NCBP1: variants seen among roughly 807,000 people sequenced by gnomAD.
NCBP1 encodes nuclear cap-binding protein subunit 1.
A neutral mutation model predicts 111.7 loss-of-function variants in NCBP1; 16 were observed. The ratio of observed to expected loss-of-function variants is 0.14; its 90% CI spans 0.10 to 0.22. The LOEUF (loss-of-function observed/expected upper bound fraction) is 0.22, where lower values mean the gene tolerates loss of function less well. Among genes scored for constraint, NCBP1 ranks in the 10% least tolerant of loss-of-function variants. The probability of loss-of-function intolerance (pLI) is 1.00; values close to 1 mark genes in which losing one functional copy is unlikely to be tolerated. For missense variants in NCBP1, 607 were observed against 957.5 expected (o/e 0.63, Z 4.83); for synonymous variants, 304 against 314.3 (o/e 0.97, Z 0.35).
At chr9:97,636,431 T>C (rs1375565686) in intron 1 of NCBP1, among the ~76,000 whole-genome samples, 2 of 148,738 alleles carry the variant, frequency 1.3e-5, no homozygotes, top group Non-Finnish European at 3.0e-5. Context: ...TCTCTATATA[T>C]AGAGTGTGTG....
At chr9:97,669,167 G>A (rs568077623) in intron 21 of NCBP1, among the ~76,000 whole-genome samples, 193 bp downstream of exon 21, 1 of 151,694 alleles carries the variant, frequency 6.6e-6, no homozygotes, top group African/African-American at 2.4e-5. Flanking sequence ...TTTCTCTGCT[G>A]TTTACTTAGT....
chr9:97,643,123 T>C, intron 3 of NCBP1, 81 bp from the exon 4 acceptor site: 2 of 1,369,534 alleles, frequency 1.5e-6, no homozygotes, highest in Non-Finnish European at 2.0e-6. Context: ...GTTAATGGAA[T>C]GATAAAAAGA....
Position 97,669,652 on chromosome 9 carries a change from A to G in NCBP1, c.2205A>G (p.Val735=). The change falls in exon 22 of 23, where the codon GTA becomes GTG. Residue 735 remains valine (V), a synonymous_variant. Transcript: ENST00000375147. Reference sequence around the variant, plus strand: ...GATGCGAAACTGATGGGACCAGTGTATTAACACCATGGTATAAGAACTGTA... The same window carrying G: ...GATGCGAAACTGATGGGACCAGTGTGTTAACACCATGGTATAAGAACTGTA... ...LVRCETDGTS[V]LTPWYKNCIE... 1.2e-6 allele frequency: 2 copies of G among 1,613,166 alleles called. No individual in the cohort carries two copies. Among genetic ancestry groups the G allele is most frequent in the Non-Finnish European group, 1.7e-6 (2 of 1,179,138 alleles).
At chr9:97,638,245 A>G (rs909110866) in intron 1 of NCBP1, among the ~76,000 whole-genome samples, 13 of 152,100 alleles carry the variant, frequency 8.5e-5, no homozygotes, top group African/African-American at 3.1e-4. Context: ...AACATTTCTT[A>G]CCTCTTAATA....
chr9:97,637,178 T>C (rs952237204), intron 1 of NCBP1, among the ~76,000 whole-genome samples: 1 of 151,796 alleles, frequency 6.6e-6, no homozygotes, highest in Non-Finnish European at 1.5e-5. Context: ...GAGACTCGAC[T>C]ATCAAAGATT....
At chr9:97,635,772 C>T (rs1216572242) in intron 1 of NCBP1, 3 of 152,076 alleles carry the variant, frequency 2.0e-5, no homozygotes, top group Non-Finnish European at 2.9e-5. Context: ...AACTAATATA[C>T]TTCTCAAGTC....
chr9:97,643,507 C>G, intron 4 of NCBP1, 147 bp downstream of exon 4: 1 of 822,780 alleles, frequency 1.2e-6, no homozygotes, highest in East Asian at 3.0e-5. Context: ...TGACGATACC[C>G]CCAAATCTGT....
At chr9:97,665,414 A>G (rs1827964678) in intron 19 of NCBP1, among the ~76,000 whole-genome samples, 1 of 152,258 alleles carries the variant, frequency 6.6e-6, no homozygotes, top group Non-Finnish European at 1.5e-5. Flanking sequence ...GAAGTGTCAC[A>G]GAGTGCTTTA....
chr9:97,668,710 C>A, intron 20 of NCBP1, 136 bp from the exon 21 acceptor site: 2 of 878,186 alleles, frequency 2.3e-6, no homozygotes, highest in Non-Finnish European at 3.3e-6. Flanking sequence ...GTGTGGGTGG[C>A]GGGGTGGGGG....
At chr9:97,647,006 T>G (rs1027180233) in intron 6 of NCBP1, among the ~76,000 whole-genome samples, 1 of 151,856 alleles carries the variant, frequency 6.6e-6, no homozygotes, top group Non-Finnish European at 1.5e-5. Flanking sequence ...TCTACTTCAT[T>G]CTTTTTAACA....
chr9:97,665,593 C>T (rs1448120035), intron 19 of NCBP1, among the ~76,000 whole-genome samples: 2 of 152,206 alleles, frequency 1.3e-5, no homozygotes, highest in Non-Finnish European at 2.9e-5. Flanking sequence ...AGTTAAAGTG[C>T]TCTGCTCTTT....
chr9:97,649,525 T>C (rs560856475), intron 8 of NCBP1, among the ~76,000 whole-genome samples: 1 of 152,328 alleles, frequency 6.6e-6, no homozygotes, highest in Non-Finnish European at 1.5e-5. Context: ...AAAGTGCTAA[T>C]GACCAGTAGG....
chr9:97,645,334 G>GA, intron 5 of NCBP1, 110 bp downstream of exon 5: 1 of 891,384 alleles, frequency 1.1e-6, no homozygotes, highest in Non-Finnish European at 1.8e-6. Flanking sequence ...TAGCAATAAA[G>GA]AAAAAAATAA....
Position 97,645,690 on chromosome 9 carries a change from C to T in NCBP1, c.569C>T (p.Ala190Val). The stretch of plus-strand genomic sequence containing the variant: ...AAGGAGTTGTACGAAAAGAAAGATG[C>T]AGAGATGGACCGCATCTTTGCCAAC... ...VGKELYEKKD[A>V]EMDRIFANTE... is the part of the protein sequence containing the mutation. Residue 190 changes from alanine to valine, a missense_variant, in exon 6 of 23, where the codon GCA becomes GTA. By Grantham distance (64) the Ala-to-Val change is moderately conservative (BLOSUM62 0). This residue lies in a region of NCBP1 where 185 missense variants were observed against 272.0 expected (regional missense o/e 0.68). Coordinates refer to ENST00000375147, the MANE Select transcript of NCBP1 (RefSeq NM_002486.5). 1 of 1,614,006 alleles carries T rather than the reference C, an allele frequency of 6.2e-7. No homozygotes were observed. The highest frequency in any genetic ancestry group is 8.5e-7 in the Non-Finnish European group (1 of 1,179,940).
chr9:97,637,690 G>C (rs929334871), intron 1 of NCBP1, among the ~76,000 whole-genome samples: 3 of 152,170 alleles, frequency 2.0e-5, no homozygotes, highest in Non-Finnish European at 4.4e-5. Context: ...TATCAAAATA[G>C]ATGAGCCAAA....
chr9:97,657,464 C>A (rs1827692878), intron 14 of NCBP1, among the ~76,000 whole-genome samples: 1 of 152,216 alleles, frequency 6.6e-6, no homozygotes, highest in Non-Finnish European at 1.5e-5. Context: ...TGGTGTGTCA[C>A]TTCTAGAGGC....
In NCBP1 at chr9:97,666,845, G is replaced by A. The variant is rs1411773079; in HGVS notation, c.1984G>A (p.Ala662Thr). 1.2e-5 allele frequency: 20 copies of A among 1,609,488 alleles called. No homozygotes were observed. The Admixed American group carries it at 3.2e-4, about 26-fold the overall frequency. ...GAAGATCCAGAAAGAGCTGGAAGAA[G>A]CTAAAGAGAAACTTGCTAGGCAACA... ...VLKIQKELEE[A>T]KEKLARQHKR... is the part of the protein sequence containing the mutation. The change falls in exon 20 of 23, where the codon GCT (alanine) becomes ACT (threonine). Residue 662 changes from alanine (A) to threonine (T), a missense_variant. By Grantham distance (58) the Ala-to-Thr change is moderately conservative (BLOSUM62 0). Coordinates refer to ENST00000375147, the MANE Select transcript of NCBP1 (RefSeq NM_002486.5).
intron 10 of NCBP1, 41 bp from the exon 11 acceptor site, chr9:97,653,757 A>T (rs770840906): frequency 6.8e-7 from 1 of 1,469,762 alleles, no homozygotes; most frequent in South Asian, 1.2e-5. Context: ...AAGTGCAAAG[A>T]TAGCAGTTGG....
chr9:97,653,720 T>C, intron 10 of NCBP1, 78 bp from the exon 11 acceptor site: 1 of 1,056,406 alleles, frequency 9.5e-7, no homozygotes, highest in Non-Finnish European at 1.4e-6. Context: ...AGAGCTCAGA[T>C]TTAGAATGTT....
Sources: gnomAD v4.1 joint callset for allele counts (sites outside exome capture counted in the v4.1 genomes callset) on GRCh38, gnomAD v4.1.1 for gene constraint, gnomAD v4.1.1 regional missense constraint, MANE v1.5 for transcripts, NCBI Gene and HGNC (gene_info 2026-07-23, HGNC 2026-07-21) for gene names.